TEAD1: variants seen among roughly 807,000 people sequenced by gnomAD.
The protein encoded by TEAD1 is transcriptional enhancer factor TEF-1.
In TEAD1, 9 loss-of-function variants were observed where a neutral mutation model predicts 54.9. The ratio of observed to expected loss-of-function variants is 0.16; its 90% CI spans 0.10 to 0.29. TEAD1 has a LOEUF of 0.29. Among genes scored for constraint, TEAD1 ranks in the 10% least tolerant of loss-of-function variants. TEAD1 has a pLI of 1.00. For synonymous variants in TEAD1, 200 were observed against 187.8 expected, an observed-to-expected ratio of 1.07 and a Z score of -0.53; for missense variants, 387 against 535.9, an observed-to-expected ratio of 0.72 and a Z score of 2.74.
At position 12,883,175 on chromosome 11, in the gene TEAD1, T is replaced by C. The variant is rs565497796; in HGVS notation, c.699+50T>C. On this transcript the variant is annotated intron_variant, in intron 9 of 12. Transcript: ENST00000527636. ...CTTGAATCCAGGATTTCTTTCCCTT[T>C]ACTGTTTACCTCCTTGCTTCTCTTT... is the stretch of plus-strand genomic sequence containing the variant. The C allele has an allele frequency of 1.5e-5, 24 of 1,613,458 alleles. No homozygotes were observed. In the South Asian group the frequency reaches 2.5e-4, roughly 17 times the overall value.
intron 10 of TEAD1, among the ~76,000 whole-genome samples, chr11:12,912,458 G>A (rs1192869754): frequency 6.6e-6 from 1 of 151,714 alleles, no homozygotes; most frequent in African/African-American, 2.4e-5. Flanking sequence ...GGAGTGAGAA[G>A]GAGTTTTCAG....
chr11:12,848,608 A>G (rs1008143827), intron 3 of TEAD1, among the ~76,000 whole-genome samples: 5 of 152,154 alleles, frequency 3.3e-5, no homozygotes, highest in African/African-American at 4.8e-5. Context: ...ATGCTGAGCT[A>G]GGTAGAATTA....
In TEAD1 at chr11:12,901,981, T is replaced by G; in HGVS notation, c.741T>G (p.His247Gln). ...TCGTGCACATTGGGCATGCCAACCA[T>G]TCTTACAGTGACCCATTGCTTGAAT... is the stretch of plus-strand genomic sequence containing the variant. The change falls in exon 10 of 13, where the codon CAT (histidine) becomes CAG (glutamine). Residue 247 changes from histidine (H) to glutamine (Q), a missense_variant. Physicochemically the swap from His to Gln is conservative, Grantham distance 24. Coordinates refer to ENST00000527636, the MANE Select transcript of TEAD1 (RefSeq NM_021961.6). The G allele has an allele frequency of 6.2e-7, 1 of 1,614,230 alleles. No individual in the cohort carries two copies. The highest frequency in any genetic ancestry group is 8.5e-7 in the Non-Finnish European group (1 of 1,180,040).
In TEAD1 at chr11:12,930,107, G is replaced by T; in HGVS notation, c.1015-67G>T. 1.9e-6 allele frequency: 3 copies of T among 1,590,626 alleles called. No homozygotes were observed. In the South Asian group the frequency reaches 3.3e-5, roughly 18 times the overall value. On this transcript the variant is annotated intron_variant, in intron 11 of 12. Coordinates refer to ENST00000527636, the MANE Select transcript of TEAD1 (RefSeq NM_021961.6). ...AAAAACTAAAATGCTTTTATGGGCAGTAATATCTGTTTCATGTGTTTTGGA... is the reference window on the plus strand; with the variant it reads ...AAAAACTAAAATGCTTTTATGGGCATTAATATCTGTTTCATGTGTTTTGGA...
At chr11:12,889,618 A>G (rs1188842632) in intron 9 of TEAD1, among the ~76,000 whole-genome samples, 1 of 152,242 alleles carries the variant, frequency 6.6e-6, no homozygotes, top group East Asian at 1.9e-4. Context: ...ATTTTGAGGA[A>G]GCACTCACTG....
At chr11:12,785,739 C>T (rs1043623827) in intron 3 of TEAD1, among the ~76,000 whole-genome samples, 5 of 152,152 alleles carry the variant, frequency 3.3e-5, no homozygotes, top group African/African-American at 1.2e-4. Flanking sequence ...TTAGAAACCT[C>T]AGGGATCTCC....
intron 3 of TEAD1, among the ~76,000 whole-genome samples, chr11:12,850,728 A>G (rs921909323): frequency 6.6e-6 from 1 of 152,202 alleles, no homozygotes; most frequent in Non-Finnish European, 1.5e-5. Context: ...AGCACTTCAA[A>G]TGTGTGGATT....
At chr11:12,920,168 G>T (rs149346443) in intron 10 of TEAD1, among the ~76,000 whole-genome samples, 1 of 152,216 alleles carries the variant, frequency 6.6e-6, no homozygotes, top group East Asian at 1.9e-4. Flanking sequence ...AAAGGAAGGC[G>T]GTCTTAAAAA....
At chr11:12,842,597 G>A (rs1818883956) in intron 3 of TEAD1, among the ~76,000 whole-genome samples, 1 of 152,134 alleles carries the variant, frequency 6.6e-6, no homozygotes, top group South Asian at 2.1e-4. Flanking sequence ...GTCTTCATGA[G>A]CTCCAGAAAA....
At chr11:12,839,678 G>A (rs905193872) in intron 3 of TEAD1, among the ~76,000 whole-genome samples, 6 of 152,154 alleles carry the variant, frequency 3.9e-5, no homozygotes, top group African/African-American at 1.4e-4. Context: ...ATCAGAGCAG[G>A]TTCAGAACGT....
intron 2 of TEAD1, among the ~76,000 whole-genome samples, chr11:12,703,436 G>T (rs1055648263): frequency 8.5e-5 from 13 of 152,120 alleles, no homozygotes; most frequent in Non-Finnish European, 1.9e-4. Flanking sequence ...TCAGAAATGG[G>T]GATGACCTTT....
chr11:12,749,027 G>T (rs1409618588), intron 2 of TEAD1, among the ~76,000 whole-genome samples: 4 of 152,168 alleles, frequency 2.6e-5, no homozygotes, highest in Non-Finnish European at 5.9e-5. Flanking sequence ...CCAGGACCTG[G>T]GAATCCTTTT....
At chr11:12,710,509 G>A (rs1272417649) in intron 2 of TEAD1, among the ~76,000 whole-genome samples, 4 of 152,154 alleles carry the variant, frequency 2.6e-5, no homozygotes, top group African/African-American at 9.7e-5. Context: ...TGGGTGATAA[G>A]TGCAAATAGA....
Position 12,864,945 on chromosome 11 carries a change from A to T in TEAD1, c.330+45A>T. 3 of 1,605,260 alleles carry T rather than the reference A, an allele frequency of 1.9e-6. No homozygotes were observed. In the African/African-American group the frequency reaches 4.0e-5, roughly 21 times the overall value. On this transcript the variant is annotated intron_variant, in intron 5 of 12. Coordinates refer to ENST00000527636, the MANE Select transcript of TEAD1 (RefSeq NM_021961.6). Reference sequence around the variant, plus strand: ...TTGGCTTGTGGTTGCTATGCATCTCACTTCCTGTTTTCCATGGTGACTGGT... The same window carrying T: ...TTGGCTTGTGGTTGCTATGCATCTCTCTTCCTGTTTTCCATGGTGACTGGT...
intron 3 of TEAD1, among the ~76,000 whole-genome samples, chr11:12,814,002 T>A (rs1455833525): frequency 6.6e-6 from 1 of 152,160 alleles, no homozygotes; most frequent in East Asian, 1.9e-4. Flanking sequence ...GATGTTTCTT[T>A]CCCCATTGGC....
At chr11:12,830,081 C>T (rs1946741358) in intron 3 of TEAD1, among the ~76,000 whole-genome samples, 1 of 152,108 alleles carries the variant, frequency 6.6e-6, no homozygotes, top group Non-Finnish European at 1.5e-5. Flanking sequence ...CAAAGGACCC[C>T]TGGGGCTGTG....
Position 12,930,298 on chromosome 11 carries a change from G to A in TEAD1, c.1139G>A (p.Ser380Asn). 6.2e-7 allele frequency: 1 copy of A among 1,614,224 alleles called. No homozygotes were observed. The highest frequency in any genetic ancestry group is 8.5e-7 in the Non-Finnish European group (1 of 1,180,052). The change falls in exon 12 of 13, where the codon AGT becomes AAT. Residue 380 changes from serine (S) to asparagine (N), a missense_variant. Physicochemically the swap from Ser to Asn is conservative, Grantham distance 46 (BLOSUM62 1). Coordinates refer to ENST00000527636, the MANE Select transcript of TEAD1 (RefSeq NM_021961.6). ...TTACCAGAGAAATATATGATGAACAGTGTTTTGGAAAACTTCACAATTTTA... is the reference window on the plus strand; with the variant it reads ...TTACCAGAGAAATATATGATGAACAATGTTTTGGAAAACTTCACAATTTTA...
At chr11:12,824,579 T>C (rs1309739913) in intron 3 of TEAD1, among the ~76,000 whole-genome samples, 3 of 152,346 alleles carry the variant, frequency 2.0e-5, no homozygotes, top group East Asian at 1.9e-4. Flanking sequence ...CCGGCTGCTT[T>C]GTTAAGATAA....
chr11:12,781,744 T>G (rs1385310534), intron 3 of TEAD1, among the ~76,000 whole-genome samples: 1 of 150,198 alleles, frequency 6.7e-6, no homozygotes. Context: ...GCATAACCAC[T>G]CTGGAAACAG....
Sources: gnomAD v4.1 joint callset for allele counts (sites outside exome capture counted in the v4.1 genomes callset) on GRCh38, gnomAD v4.1.1 for gene constraint, MANE v1.5 for transcripts, NCBI Gene and HGNC (gene_info 2026-07-23, HGNC 2026-07-21) for gene names.